The following EGFLAM variants were observed in gnomAD, a reference collection of about 807,000 sequenced individuals.
EGFLAM encodes the protein pikachurin.
EGFLAM carries 79 observed loss-of-function variants against 113.1 expected under a neutral mutation model. The ratio of observed to expected loss-of-function variants is 0.70; its 90% CI spans 0.58 to 0.84. The LOEUF is 0.84. EGFLAM is among the 40% of genes least tolerant of loss of function. EGFLAM has a pLI of 0.00. For missense variants in EGFLAM, 1,265 were observed against 1,291.6 expected (o/e 0.98, Z 0.32); for synonymous variants, 504 against 487.6 (o/e 1.03, Z -0.44).
chr5:38,409,357 T>G (rs1205971819), intron 10 of EGFLAM, among the ~76,000 whole-genome samples: 1 of 152,210 alleles, frequency 6.6e-6, no homozygotes, highest in African/African-American at 2.4e-5. Flanking sequence ...GGAGGTGTTG[T>G]AGAGTGTACC....
At chr5:38,424,851 G>A (rs1184895868) in intron 12 of EGFLAM, 116 bp from the exon 13 acceptor site, 1 of 1,379,452 alleles carries the variant, frequency 7.2e-7, no homozygotes, top group Non-Finnish European at 9.7e-7. Flanking sequence ...CAAATCAACA[G>A]GAGTAAGAAC....
intron 1 of EGFLAM, among the ~76,000 whole-genome samples, chr5:38,301,917 G>C (rs1758589694): frequency 6.6e-6 from 1 of 152,090 alleles, no homozygotes; most frequent in South Asian, 2.1e-4. Context: ...TCCCCTGACA[G>C]CCTCAAAGGT....
intron 15 of EGFLAM, among the ~76,000 whole-genome samples, chr5:38,431,571 A>G (rs1315289933): frequency 6.6e-6 from 1 of 152,180 alleles, no homozygotes; most frequent in African/African-American, 2.4e-5. Context: ...TTCGCCTCCC[A>G]ACTCCACCTT....
chr5:38,331,166 G>T (rs1178806122), intron 1 of EGFLAM, among the ~76,000 whole-genome samples: 1 of 152,102 alleles, frequency 6.6e-6, no homozygotes, highest in Non-Finnish European at 1.5e-5. Context: ...TATACTCCCT[G>T]TCCCCATGCA....
intron 6 of EGFLAM, among the ~76,000 whole-genome samples, chr5:38,383,233 G>A (rs1019503266): frequency 6.6e-6 from 1 of 152,182 alleles, no homozygotes. Flanking sequence ...TATTTCTTCA[G>A]CGTTCTTTGG....
Position 38,438,372 on chromosome 5 carries a change from C to T in EGFLAM, c.2381C>T (p.Ala794Val), listed in dbSNP as rs1188421949. Residue 794 changes from alanine (A) to valine (V), a missense_variant, in exon 17 of 22, where the codon GCC becomes GTC. Ala to Val is a moderately conservative substitution (Grantham distance 64). Transcript: ENST00000322350. ...AAHPCVRAPC[A>V]HGGSCRPRKE... ...CACCCCTGTGTGAGAGCCCCTTGTG[C>T]CCATGGGGGCAGCTGCCGGCCCAGG... The T allele has an allele frequency of 2.5e-6, 4 of 1,613,900 alleles. No homozygotes were observed. In the African/African-American group the frequency reaches 5.3e-5, roughly 22 times the overall value.
chr5:38,270,059 G>C (rs1757731362), intron 1 of EGFLAM, among the ~76,000 whole-genome samples: 3 of 152,186 alleles, frequency 2.0e-5, no homozygotes, highest in African/African-American at 7.2e-5. Context: ...CTTCAACCAG[G>C]CTTCACTTAG....
At chr5:38,321,321 A>G (rs150035015) in intron 1 of EGFLAM, among the ~76,000 whole-genome samples, 140 of 152,320 alleles carry the variant, frequency 9.2e-4, no homozygotes, top group Non-Finnish European at 1.3e-3. Flanking sequence ...GAACTCAGGC[A>G]GTAATGCTAG....
intron 1 of EGFLAM, among the ~76,000 whole-genome samples, chr5:38,261,755 T>C (rs932668608): frequency 6.6e-6 from 1 of 152,146 alleles, no homozygotes; most frequent in Admixed American, 6.5e-5. Flanking sequence ...ACAGAGTGCA[T>C]ATGATACTGA....
At chr5:38,312,071 ATAGT>A (rs1292273934) in intron 1 of EGFLAM, among the ~76,000 whole-genome samples, 1 of 152,172 alleles carries the variant, frequency 6.6e-6, no homozygotes, top group Non-Finnish European at 1.5e-5. Context: ...CGGTATAATA[ATAGT>A]TACTTTATTC....
At chr5:38,434,396 G>A (rs1742281825) in intron 15 of EGFLAM, among the ~76,000 whole-genome samples, 1 of 152,220 alleles carries the variant, frequency 6.6e-6, no homozygotes, top group Non-Finnish European at 1.5e-5. Context: ...TGCAGGGCAG[G>A]ACTGGGTCTT....
chr5:38,363,532 T>C (rs2112018062), intron 5 of EGFLAM, among the ~76,000 whole-genome samples: 1 of 152,342 alleles, frequency 6.6e-6, no homozygotes, highest in South Asian at 2.1e-4. Flanking sequence ...TATTTTCTTA[T>C]CTGGTTACAA....
chr5:38,438,441 T>C lies in EGFLAM; in HGVS notation c.2450T>C (p.Leu817Pro). ...DCDCPLGFEG[L>P]HCQKAIIEAI... The stretch of plus-strand genomic sequence containing the variant: ...GACTGCCCCTTGGGCTTTGAGGGGC[T>C]TCACTGCCAGAAAGGTACGCTCAGG... Residue 817 changes from leucine (L) to proline (P), a missense_variant, in exon 17 of 22, where the codon CTT becomes CCT. Transcript: ENST00000322350. 6.2e-7 allele frequency: 1 copy of C among 1,608,896 alleles called. No individual in the cohort carries two copies. The highest frequency in any genetic ancestry group is 8.5e-7 in the Non-Finnish European group (1 of 1,176,680).
intron 1 of EGFLAM, among the ~76,000 whole-genome samples, chr5:38,276,211 T>TACTC (rs1430294088): frequency 6.6e-6 from 1 of 152,080 alleles, no homozygotes; most frequent in Non-Finnish European, 1.5e-5. Flanking sequence ...TTATGAGACT[T>TACTC]ACTCACTATC....
chr5:38,450,411 C>T (rs1579950209), intron 18 of EGFLAM, among the ~76,000 whole-genome samples: 2 of 152,208 alleles, frequency 1.3e-5, no homozygotes, highest in African/African-American at 4.8e-5. Flanking sequence ...TAGTTCCCTC[C>T]ACTGTTCACG....
At chr5:38,327,350 A>G (rs1160140032) in intron 1 of EGFLAM, among the ~76,000 whole-genome samples, 1 of 152,210 alleles carries the variant, frequency 6.6e-6, no homozygotes, top group Non-Finnish European at 1.5e-5. Flanking sequence ...GGATGTAAAA[A>G]TATTTTTGAA....
rs369950736 is a variant in EGFLAM at position 38,458,405 on chromosome 5, C to T, written c.2771+11C>T. The T allele has an allele frequency of 1.2e-6, 2 of 1,613,212 alleles. No homozygotes were observed. The highest frequency in any genetic ancestry group is 1.1e-5 in the South Asian group (1 of 90,968). ...AGTTAAGGCCGTTAGGTGAGTCCCT[C>T]CCGCAGCATGAGGCAGAGCCAGAGC... On this transcript the variant is annotated intron_variant, in intron 20 of 21. Coordinates refer to ENST00000322350, the MANE Select transcript of EGFLAM (RefSeq NM_152403.4).
intron 6 of EGFLAM, among the ~76,000 whole-genome samples, chr5:38,374,881 A>G (rs1463017278): frequency 6.6e-6 from 1 of 152,224 alleles, no homozygotes; most frequent in Admixed American, 6.5e-5. Context: ...TTTCACTGTC[A>G]TAATTTCCTC....
At chr5:38,430,156 G>T (rs149820773) in intron 14 of EGFLAM, 203 of 207,986 alleles carry the variant, frequency 9.8e-4, no homozygotes, top group Admixed American at 1.9e-3. Context: ...TCAGGAACTT[G>T]CCCTTTTCAA....
Sources: allele counts gnomAD v4.1 joint callset (sites outside exome capture counted in the v4.1 genomes callset), GRCh38; gene constraint gnomAD v4.1.1; transcripts MANE v1.5; gene names NCBI Gene and HGNC (gene_info 2026-07-23, HGNC 2026-07-21).